HMX1: variants seen among roughly 807,000 people sequenced by gnomAD.
The protein encoded by HMX1 is H6 family homeobox 1, also known as homeobox protein HMX1.
Under a neutral mutation model 8.9 loss-of-function variants are expected in HMX1, and 8 were observed. That is an observed-to-expected ratio of 0.90 (90% CI 0.53 to 1.63). The LOEUF is 1.63. Among genes scored for constraint, HMX1 ranks in the 40% most tolerant of loss-of-function variants. HMX1 has a pLI of 0.00. For synonymous variants in HMX1, 311 were observed against 283.4 expected, an observed-to-expected ratio of 1.10 and a Z score of -0.98; for missense variants, 621 against 558.5, an observed-to-expected ratio of 1.11 and a Z score of -1.13.
chr4:8,859,374 G>C (rs1023954863), intron 1 of HMX1, among the ~76,000 whole-genome samples: 1 of 152,182 alleles, frequency 6.6e-6, no homozygotes, highest in Non-Finnish European at 1.5e-5. Context: ...TTACAGGTCT[G>C]AGCTGGCTTA....
Position 8,856,770 on chromosome 4 carries a change from A to G in HMX1, c.395-10446T>C, listed in dbSNP as rs543532749. Among the ~76,000 whole-genome samples, 25 of 152,264 alleles carry G rather than the reference A, an allele frequency of 1.6e-4. No homozygotes were observed. The South Asian group carries it at 2.3e-3, about 14-fold the overall frequency. ...GCGATGCATTGCTTGTTTAAAAACT[A>G]CATACATCATGAGGGAAAATCTTTA... On this transcript the variant is annotated intron_variant, in intron 1 of 1. Transcript: ENST00000506970.
At chr4:8,863,099 G>T (rs1386562662), downstream of HMX1, among the ~76,000 whole-genome samples, 3 of 152,210 alleles carry the variant, frequency 2.0e-5, no homozygotes, top group South Asian at 6.2e-4. Context: ...GCCCACTCTG[G>T]CTACCAGAAG....
Position 8,871,149 on chromosome 4 carries a change from G to T in HMX1, c.394+72C>A. 1 of 1,283,674 alleles carries T rather than the reference G, an allele frequency of 7.8e-7. No homozygotes were observed. Among genetic ancestry groups the T allele is most frequent in the Non-Finnish European group, 9.9e-7 (1 of 1,006,294 alleles). The allele number at this position is 1,283,674 out of a possible 1,614,324, so 79.5% of individuals were successfully genotyped here. On this transcript the variant is annotated intron_variant, in intron 1 of 1. Coordinates refer to ENST00000400677, the MANE Select transcript of HMX1 (RefSeq NM_018942.3). The surrounding 1 kb of genome is among the most constrained non-coding windows in gnomAD (Gnocchi z 4.8). Reference sequence around the variant, plus strand: ...CAGAACGGGCGGCGACGAGCCCGAAGTCCCCCAGCAAATGCGCAGGGAGGA... The same window carrying T: ...CAGAACGGGCGGCGACGAGCCCGAATTCCCCCAGCAAATGCGCAGGGAGGA...
intron 1 of HMX1, among the ~76,000 whole-genome samples, chr4:8,852,194 G>C (rs1411328342): frequency 6.6e-6 from 1 of 152,248 alleles, no homozygotes; most frequent in Non-Finnish European, 1.5e-5. Context: ...CTTGGGTGAA[G>C]CCAATTTAGT....
At chr4:8,860,220 G>C (rs1721751100) in intron 1 of HMX1, among the ~76,000 whole-genome samples, 2 of 152,218 alleles carry the variant, frequency 1.3e-5, no homozygotes, top group South Asian at 4.1e-4. Context: ...GGCGCCCCCT[G>C]GCCTTTCCTA....
At position 8,867,352 on chromosome 4, in the gene HMX1, G is replaced by T. The variant is rs1722033690; in HGVS notation, c.*341C>A. 2 of 1,016,928 alleles carry T rather than the reference G, an allele frequency of 2.0e-6. 1 individual carries two copies. The highest frequency in any genetic ancestry group is 9.3e-5 in the South Asian group (2 of 21,596). The allele number at this position is 1,016,928 out of a possible 1,614,324, so 63.0% of individuals were successfully genotyped here. Reference sequence around the variant, plus strand: ...AGTTTTCCTTTGTTGCGCTGGGCTTGGCCTGAGGGCAGCTGCCCCGGGTGG... The same window carrying T: ...AGTTTTCCTTTGTTGCGCTGGGCTTTGCCTGAGGGCAGCTGCCCCGGGTGG... On this transcript the variant is annotated 3_prime_UTR_variant, in exon 2 of 2. Coordinates refer to ENST00000400677, the MANE Select transcript of HMX1 (RefSeq NM_018942.3).
In HMX1 at chr4:8,847,961, C is replaced by T. The variant is rs558955998; in HGVS notation, c.395-1637G>A. Among the ~76,000 whole-genome samples, 3 of 152,232 alleles carry T rather than the reference C, an allele frequency of 2.0e-5. No individual in the cohort carries two copies. The highest frequency in any genetic ancestry group is 1.9e-4 in the East Asian group (1 of 5,168). On this transcript the variant is annotated intron_variant, in intron 1 of 1. Transcript: ENST00000506970. This position sits in a 1 kb window ranked among gnomAD's most constrained non-coding sequence, Gnocchi z 6.0. ...GCTTTACGGTAACTGGAACAGGCTC[C>T]GACTCCCTGGAGCGCCAGGTCCAGG...
Position 8,847,462 on chromosome 4 carries a change from C to A in HMX1, c.395-1138G>T, listed in dbSNP as rs1020274575. Reference sequence around the variant, plus strand: ...AAGAGCTATTTCTGTAACGGGATGCCGCCAACAGACGGAAGCCACTGAGCC... The same window carrying A: ...AAGAGCTATTTCTGTAACGGGATGCAGCCAACAGACGGAAGCCACTGAGCC... On this transcript the variant is annotated intron_variant, in intron 1 of 1. Transcript: ENST00000506970. This position sits in a 1 kb window ranked among gnomAD's most constrained non-coding sequence, Gnocchi z 6.0. 2.6e-5 allele frequency among the ~76,000 whole-genome samples: 4 copies of A among 152,030 alleles called. No homozygotes were observed. Among genetic ancestry groups the A allele is most frequent in the African/African-American group, 9.7e-5 (4 of 41,398 alleles).
downstream of HMX1, among the ~76,000 whole-genome samples, chr4:8,865,392 G>A (rs1016523254): frequency 5.9e-5 from 9 of 152,166 alleles, no homozygotes; most frequent in African/African-American, 1.4e-4. Context: ...TAGCATCGCC[G>A]TTGGGAAGGC....
intron 1 of HMX1, among the ~76,000 whole-genome samples, chr4:8,861,412 C>G (rs751338793): frequency 1.2e-4 from 18 of 152,206 alleles, no homozygotes; most frequent in Admixed American, 2.0e-4. Flanking sequence ...CACGCCCTGT[C>G]TCCCCGACCC....
chr4:8,855,905 G>T (rs562533532), intron 1 of HMX1, among the ~76,000 whole-genome samples: 52 of 152,330 alleles, frequency 3.4e-4, no homozygotes, highest in African/African-American at 1.2e-3. Flanking sequence ...TACGGGGCCA[G>T]CCTGCCCTCC....
intron 1 of HMX1, among the ~76,000 whole-genome samples, chr4:8,858,324 A>G (rs1401187867): frequency 3.3e-5 from 5 of 152,112 alleles, no homozygotes; most frequent in Admixed American, 3.3e-4. Context: ...AGAAGCAGAA[A>G]GAGATGCCGA....
chr4:8,857,782 C>G (rs1449968541), intron 1 of HMX1, among the ~76,000 whole-genome samples: 1 of 152,098 alleles, frequency 6.6e-6, no homozygotes, highest in East Asian at 1.9e-4. Context: ...CCTTGAGGAT[C>G]CCAAACTGCC....
chr4:8,852,494 C>A (rs1282000171), intron 1 of HMX1, among the ~76,000 whole-genome samples: 3 of 152,226 alleles, frequency 2.0e-5, no homozygotes, highest in Admixed American at 6.5e-5. Flanking sequence ...CGGCCTGACT[C>A]CAATGCCCGG....
intron 1 of HMX1, among the ~76,000 whole-genome samples, chr4:8,850,268 C>T (rs1721404563): frequency 6.6e-6 from 1 of 152,164 alleles, no homozygotes; most frequent in Non-Finnish European, 1.5e-5. Flanking sequence ...CCGTGCCCGC[C>T]TGCCTGTGGG....
At position 8,849,125 on chromosome 4, in the gene HMX1, T is replaced by C. The variant is rs1721363352; in HGVS notation, c.395-2801A>G. ...GATTTTCCCATCTGTGAAACGGGGGTATGAAGTGTGGGATGAAGCCTTTTC... is the reference window on the plus strand; with the variant it reads ...GATTTTCCCATCTGTGAAACGGGGGCATGAAGTGTGGGATGAAGCCTTTTC... On this transcript the variant is annotated intron_variant, in intron 1 of 1. Transcript: ENST00000506970. The surrounding 1 kb of genome is among the most constrained non-coding windows in gnomAD (Gnocchi z 6.6). 6.6e-6 allele frequency among the ~76,000 whole-genome samples: 1 copy of C among 151,596 alleles called. No individual in the cohort carries two copies. Among genetic ancestry groups the C allele is most frequent in the Non-Finnish European group, 1.5e-5 (1 of 67,964 alleles).
At chr4:8,866,773 T>C (rs1722012025), downstream of HMX1, among the ~76,000 whole-genome samples, 1 of 152,256 alleles carries the variant, frequency 6.6e-6, no homozygotes, top group East Asian at 1.9e-4. Context: ...CACCTGCTCC[T>C]GCCTTTCGGT....
Position 8,867,862 on chromosome 4 carries a change from G to A in HMX1, c.878C>T (p.Ala293Val), listed in dbSNP as rs776532962. The change falls in exon 2 of 2, where the codon GCA (alanine) becomes GTA (valine). Residue 293 changes from alanine (A) to valine (V), a missense_variant. Coordinates refer to ENST00000400677, the MANE Select transcript of HMX1 (RefSeq NM_018942.3). The stretch of plus-strand genomic sequence containing the variant: ...GGTGGCCGGGGGCCCAGCGGCGGCT[G>A]CGGCCGGGGGGCTTTCGTGGTAGAG... Reference protein sequence around the residue: ...PVLYHESPPAAAAAGPPATLP... With the variant: ...PVLYHESPPAVAAAGPPATLP... The A allele has an allele frequency of 1.5e-5, 19 of 1,244,246 alleles. No homozygotes were observed. Among genetic ancestry groups the A allele is most frequent in the South Asian group, 3.4e-5 (1 of 29,216 alleles). 77.1% of individuals were successfully genotyped at this position (1,244,246 alleles called of 1,614,324 possible). A position where few individuals can be genotyped will look rare whatever the true frequency, so the allele number is the denominator to read the frequency against.
rs1722218808 is a variant in HMX1 at position 8,871,446 on chromosome 4, C to T, written c.169G>A (p.Ala57Thr). 1.5e-6 allele frequency: 2 copies of T among 1,332,584 alleles called. No individual in the cohort carries two copies. The highest frequency in any genetic ancestry group is 1.9e-6 in the Non-Finnish European group (2 of 1,028,180). 82.5% of individuals were successfully genotyped at this position (1,332,584 alleles called of 1,614,324 possible). The change falls in exon 1 of 2, where the codon GCC (alanine) becomes ACC (threonine). Residue 57 changes from alanine to threonine, a missense_variant. Ala to Thr is a moderately conservative substitution (Grantham distance 58). Coordinates refer to ENST00000400677, the MANE Select transcript of HMX1 (RefSeq NM_018942.3). This position sits in a 1 kb window ranked among gnomAD's most constrained non-coding sequence, Gnocchi z 4.8. ...EDDDDPEDED[A>T]EQARRRRLQR... ...AGCCGTCGCCGCCGCGCCTGCTCGG[C>T]GTCCTCGTCTTCGGGGTCGTCGTCG... is the stretch of plus-strand genomic sequence containing the variant.
Sources: allele counts gnomAD v4.1 joint callset (sites outside exome capture counted in the v4.1 genomes callset), GRCh38; gene constraint gnomAD v4.1.1; non-coding constraint Gnocchi (gnomAD v3.1); transcripts MANE v1.5; gene names NCBI Gene and HGNC (gene_info 2026-07-23, HGNC 2026-07-21).